The following HCRTR2 variants were observed in gnomAD, a reference collection of about 807,000 sequenced individuals.
HCRTR2 encodes the protein hypocretin receptor 2.
In HCRTR2, 22 loss-of-function variants were observed where a neutral mutation model predicts 49.0. The observed-to-expected ratio is 0.45, with a 90% confidence interval of 0.32 to 0.64. HCRTR2 has a LOEUF of 0.64. Ranked by LOEUF, HCRTR2 falls within the 30% of genes least tolerant of loss-of-function variation. The pLI is 0.04. For missense variants in HCRTR2, 491 were observed against 559.4 expected (o/e 0.88, Z 1.23); for synonymous variants, 236 against 205.3 (o/e 1.15, Z -1.28).
intron 4 of HCRTR2, among the ~76,000 whole-genome samples, chr6:55,270,902 A>G (rs1234920929): frequency 6.6e-6 from 1 of 152,188 alleles, no homozygotes; most frequent in Non-Finnish European, 1.5e-5. Context: ...TTAAAGAAGG[A>G]CTACCTAAAT....
intron 1 of HCRTR2, among the ~76,000 whole-genome samples, chr6:55,201,212 C>A (rs1765507970): frequency 6.6e-6 from 1 of 151,920 alleles, no homozygotes; most frequent in Non-Finnish European, 1.5e-5. Flanking sequence ...TTTTATTTTT[C>A]TTTGGTGCCA....
intron 1 of HCRTR2, among the ~76,000 whole-genome samples, chr6:55,148,485 C>A (rs1329573751): frequency 2.0e-5 from 3 of 152,028 alleles, no homozygotes. Flanking sequence ...GCAGTAACAG[C>A]CTTACTTGCT....
rs550114558 is a variant in HCRTR2, at chr6:55,178,979, A to G, written c.223+4169A>G. Among the ~76,000 whole-genome samples, 105 of 152,352 alleles carry G rather than the reference A, an allele frequency of 6.9e-4. No homozygotes were observed. In the South Asian group the frequency reaches 0.022, roughly 31 times the overall value. ...GGTAATATGTTGATTTAACTCATAC[A>G]TTGTTAAAATACATTGTGAAGTATT... is the stretch of plus-strand genomic sequence containing the variant. On this transcript the variant is annotated intron_variant, in intron 1 of 6. Transcript: ENST00000370862.
chr6:55,267,652 G>C (rs1263782760), intron 4 of HCRTR2, among the ~76,000 whole-genome samples: 1 of 152,020 alleles, frequency 6.6e-6, no homozygotes, highest in African/African-American at 2.4e-5. Context: ...ACTGAGGATG[G>C]ACTGTAATAG....
chr6:55,241,051 C>T (rs1186567808), intron 1 of HCRTR2, among the ~76,000 whole-genome samples: 1 of 151,096 alleles, frequency 6.6e-6, no homozygotes, highest in African/African-American at 2.4e-5. Flanking sequence ...TATACATGTG[C>T]CATGCTGGTG....
intron 1 of HCRTR2, among the ~76,000 whole-genome samples, chr6:55,245,420 T>C (rs1465076247): frequency 7.0e-6 from 1 of 142,208 alleles, no homozygotes; most frequent in Non-Finnish European, 1.5e-5. Context: ...CACATAGGAA[T>C]ACATACATGT....
intron 1 of HCRTR2, among the ~76,000 whole-genome samples, chr6:55,151,975 A>G (rs1006576155): frequency 6.6e-6 from 1 of 151,904 alleles, no homozygotes; most frequent in Non-Finnish European, 1.5e-5. Context: ...TCTAAACAGT[A>G]AGTCTCAAAA....
intron 1 of HCRTR2, among the ~76,000 whole-genome samples, chr6:55,223,336 C>T (rs531389194): frequency 2.0e-4 from 31 of 152,284 alleles, no homozygotes; most frequent in African/African-American, 7.0e-4. Flanking sequence ...ACTTACCTTT[C>T]ATAAGTTGAT....
In HCRTR2 at chr6:55,255,199, A is replaced by G. The variant is rs202144229; in HGVS notation, c.466A>G (p.Ile156Val). ...SCIALDRWYA[I>V]CHPLMFKSTA... ...TATCGCCTTGGATCGGTGGTATGCA[A>G]TCTGTCACCCTTTGATGTTTAAGAG... is the stretch of plus-strand genomic sequence containing the variant. Residue 156 changes from isoleucine to valine, a missense_variant, in exon 3 of 7, where the codon ATC becomes GTC. By Grantham distance (29) the Ile-to-Val change is conservative. Coordinates refer to ENST00000370862, the MANE Select transcript of HCRTR2 (RefSeq NM_001384272.1). 2.4e-5 allele frequency: 39 copies of G among 1,614,000 alleles called. No homozygotes were observed. The highest frequency in any genetic ancestry group is 3.2e-5 in the Non-Finnish European group (38 of 1,179,972).
intron 1 of HCRTR2, among the ~76,000 whole-genome samples, chr6:55,116,724 A>AAAAAAAAAAAAAAC (rs372864594): frequency 6.9e-6 from 1 of 144,168 alleles, no homozygotes. Flanking sequence ...AGAAAAAAAA[A>AAAAAAAAAAAAAAC]AAAACTCTTA....
chr6:55,118,836 C>T (rs1183483813), intron 1 of HCRTR2, among the ~76,000 whole-genome samples: 6 of 151,346 alleles, frequency 4.0e-5, no homozygotes, highest in African/African-American at 1.5e-4. Flanking sequence ...TGTGCAGAAC[C>T]TGCAGTTTTC....
chr6:55,178,936 T>C (rs143126786), intron 1 of HCRTR2, among the ~76,000 whole-genome samples: 1 of 152,338 alleles, frequency 6.6e-6, no homozygotes, highest in South Asian at 2.1e-4. Context: ...TACTAGTGTT[T>C]TAAATAACAC....
chr6:55,187,968 G>C (rs9396057), intron 1 of HCRTR2, among the ~76,000 whole-genome samples: 1 of 151,800 alleles, frequency 6.6e-6, no homozygotes, highest in South Asian at 2.1e-4. Context: ...ATTTTTAGTA[G>C]AGACAGGTTT....
At chr6:55,165,931 T>C (rs563475192) in intron 1 of HCRTR2, among the ~76,000 whole-genome samples, 4 of 151,856 alleles carry the variant, frequency 2.6e-5, no homozygotes, top group East Asian at 2.0e-4. Context: ...AGGAGGCAAA[T>C]ACAGATTAAT....
intron 3 of HCRTR2, among the ~76,000 whole-genome samples, chr6:55,260,161 A>T (rs1484756379): frequency 6.6e-6 from 1 of 152,176 alleles, no homozygotes; most frequent in Non-Finnish European, 1.5e-5. Flanking sequence ...TGCTATCCAT[A>T]GCTGCAGTGG....
At chr6:55,249,557 G>A (rs1436832986) in intron 2 of HCRTR2, among the ~76,000 whole-genome samples, 2 of 152,138 alleles carry the variant, frequency 1.3e-5, no homozygotes, top group Non-Finnish European at 2.9e-5. Flanking sequence ...CCCTCTGGAA[G>A]AGATGATCTT....
intron 1 of HCRTR2, among the ~76,000 whole-genome samples, chr6:55,135,773 C>T (rs1023982292): frequency 6.6e-6 from 1 of 152,112 alleles, no homozygotes; most frequent in African/African-American, 2.4e-5. Flanking sequence ...CTCAAGGTAA[C>T]TCAGTAAGTA....
intron 1 of HCRTR2, among the ~76,000 whole-genome samples, chr6:55,207,326 TG>T (rs1304212059): frequency 2.6e-5 from 4 of 152,104 alleles, no homozygotes; most frequent in African/African-American, 9.7e-5. Context: ...GAATGAAAAA[TG>T]TAATATGTAG....
At chr6:55,124,431 G>A (rs1472379555) in intron 1 of HCRTR2, among the ~76,000 whole-genome samples, 2 of 152,180 alleles carry the variant, frequency 1.3e-5, no homozygotes, top group African/African-American at 2.4e-5. Context: ...GGTTTTGATT[G>A]AGTTTCTTAA....
Sources: gnomAD v4.1 joint callset for allele counts (sites outside exome capture counted in the v4.1 genomes callset) on GRCh38, gnomAD v4.1.1 for gene constraint, MANE v1.5 for transcripts, NCBI Gene and HGNC (gene_info 2026-07-23, HGNC 2026-07-21) for gene names.